The following ATP8A2 variants were observed in gnomAD, a reference collection of about 807,000 sequenced individuals.
ATP8A2 encodes phospholipid-transporting ATPase IB.
In ATP8A2, 100 loss-of-function variants were observed where a neutral mutation model predicts 165.6. That is an observed-to-expected ratio of 0.60 (90% CI 0.51 to 0.71). ATP8A2 has a LOEUF of 0.71. Among genes scored for constraint, ATP8A2 ranks in the 30% least tolerant of loss-of-function variants. The probability of loss-of-function intolerance (pLI) is 0.00; values close to 1 mark genes in which losing one functional copy is unlikely to be tolerated. For missense variants in ATP8A2, 1,227 were observed against 1,479.5 expected, an observed-to-expected ratio of 0.83 and a Z score of 2.80; for synonymous variants, 543 against 548.8, an observed-to-expected ratio of 0.99 and a Z score of 0.15.
In ATP8A2 at chr13:25,968,689, TC is replaced by T. The variant is rs1955843034; in HGVS notation, c.3377+12del. The T allele has an allele frequency of 1.3e-6, 2 of 1,599,510 alleles. No homozygotes were observed. The highest frequency in any genetic ancestry group is 2.2e-5 in the South Asian group (2 of 89,398). On this transcript the variant is annotated intron_variant, in intron 35 of 36. Coordinates refer to ENST00000381655, the MANE Select transcript of ATP8A2 (RefSeq NM_016529.6). ...ATAGCAATGGAAAGAGGTGGGGAAC[TC>T]CGTCCCAGTCCGCACAGAACACAGG... is the stretch of plus-strand genomic sequence containing the variant.
chr13:25,902,589 AAG>A (rs1953789688), intron 33 of ATP8A2, among the ~76,000 whole-genome samples: 7 of 151,818 alleles, frequency 4.6e-5, no homozygotes, highest in African/African-American at 1.7e-4. Context: ...AAAAACAAAA[AAG>A]AATTCCCCAA....
intron 27 of ATP8A2, among the ~76,000 whole-genome samples, chr13:25,800,541 A>G (rs1315013205): frequency 6.6e-6 from 1 of 152,154 alleles, no homozygotes. Flanking sequence ...TTTGACTTTA[A>G]AGGAGTAGTG....
At chr13:25,568,500 C>T (rs545542468) in intron 16 of ATP8A2, among the ~76,000 whole-genome samples, 1 of 152,184 alleles carries the variant, frequency 6.6e-6, no homozygotes, top group African/African-American at 2.4e-5. Context: ...ATATTATAAG[C>T]TGTTAACTGA....
chr13:25,483,321 C>T (rs1175917131), intron 2 of ATP8A2, among the ~76,000 whole-genome samples: 1 of 152,130 alleles, frequency 6.6e-6, no homozygotes, highest in Non-Finnish European at 1.5e-5. Flanking sequence ...CTATTTTGAA[C>T]TGTGGAATGG....
intron 1 of ATP8A2, among the ~76,000 whole-genome samples, chr13:25,420,861 C>T (rs867875998): frequency 6.6e-6 from 1 of 152,204 alleles, no homozygotes; most frequent in Non-Finnish European, 1.5e-5. Context: ...TCTTAGTAAG[C>T]TCAAGCATTA....
chr13:25,675,036 G>A (rs2042344742), intron 24 of ATP8A2, among the ~76,000 whole-genome samples: 1 of 152,180 alleles, frequency 6.6e-6, no homozygotes. Context: ...GGAACCAAAT[G>A]CGAGTCATCC....
At chr13:25,701,446 C>G (rs2042949223) in intron 25 of ATP8A2, among the ~76,000 whole-genome samples, 1 of 152,150 alleles carries the variant, frequency 6.6e-6, no homozygotes, top group African/African-American at 2.4e-5. Flanking sequence ...GAGGTTGTTA[C>G]TGCTCTACCT....
chr13:25,410,353 TC>T (rs1264091523), intron 1 of ATP8A2, among the ~76,000 whole-genome samples: 1 of 152,194 alleles, frequency 6.6e-6, no homozygotes. Flanking sequence ...TAACATTTCC[TC>T]AAAGCCCCAG....
At chr13:25,421,011 T>G (rs1018345250) in intron 1 of ATP8A2, among the ~76,000 whole-genome samples, 2 of 152,258 alleles carry the variant, frequency 1.3e-5, no homozygotes, top group African/African-American at 2.4e-5. Context: ...TTCTAAAGCT[T>G]TGATTGAGGT....
intron 29 of ATP8A2, among the ~76,000 whole-genome samples, chr13:25,838,258 A>C (rs1326689444): frequency 1.3e-5 from 2 of 152,178 alleles, no homozygotes; most frequent in African/African-American, 2.4e-5. Context: ...CTTCTGAGCC[A>C]GATGTTCCTG....
At chr13:25,848,159 G>A (rs1951915316) in intron 30 of ATP8A2, among the ~76,000 whole-genome samples, 2 of 152,336 alleles carry the variant, frequency 1.3e-5, no homozygotes, top group Middle Eastern at 3.4e-3. Flanking sequence ...CCTGCTTCTA[G>A]CATCTGTGAG....
intron 25 of ATP8A2, among the ~76,000 whole-genome samples, chr13:25,727,924 C>G (rs1257839549): frequency 6.6e-6 from 1 of 152,126 alleles, no homozygotes; most frequent in Non-Finnish European, 1.5e-5. Flanking sequence ...AGTCCAAGCC[C>G]TGTGCTCTGG....
intron 24 of ATP8A2, 61 bp downstream of exon 24, chr13:25,589,760 A>G: frequency 2.9e-6 from 3 of 1,020,840 alleles, no homozygotes; most frequent in Admixed American, 2.0e-5. Flanking sequence ...CTTTCTTTCT[A>G]CTATCATTGA....
chr13:25,693,657 C>T (rs1024215862), intron 24 of ATP8A2, among the ~76,000 whole-genome samples: 1 of 140,544 alleles, frequency 7.1e-6, no homozygotes, highest in Non-Finnish European at 1.6e-5. Context: ...GAGAGACATC[C>T]CTCAGATCTC....
chr13:25,747,430 G>A (rs557148314), intron 25 of ATP8A2, among the ~76,000 whole-genome samples: 2 of 152,262 alleles, frequency 1.3e-5, no homozygotes, highest in East Asian at 3.9e-4. Context: ...GCTTCAATTC[G>A]AACTGTTTGG....
chr13:25,461,658 C>A (rs1185621291), intron 1 of ATP8A2, among the ~76,000 whole-genome samples: 1 of 152,118 alleles, frequency 6.6e-6, no homozygotes, highest in East Asian at 1.9e-4. Flanking sequence ...GTTTGAATAC[C>A]TATGTTTACC....
intron 2 of ATP8A2, among the ~76,000 whole-genome samples, chr13:25,509,812 T>G (rs895455953): frequency 1.8e-4 from 28 of 152,164 alleles, no homozygotes; most frequent in Admixed American, 1.6e-3. Context: ...ACCAGTACAT[T>G]GTGTTTTTAT....
chr13:25,398,882 A>AAGGG (rs1443029504), intron 1 of ATP8A2, among the ~76,000 whole-genome samples: 1 of 149,134 alleles, frequency 6.7e-6, no homozygotes, highest in East Asian at 2.0e-4. Flanking sequence ...CTGCCGTAAA[A>AAGGG]TGTTCATCCA....
At chr13:25,961,486 T>C in intron 33 of ATP8A2, 89 bp from the exon 34 acceptor site, 1 of 1,111,388 alleles carries the variant, frequency 9.0e-7, no homozygotes, top group South Asian at 1.3e-5. Flanking sequence ...GTTGTTTTTG[T>C]GTTGTGAAAT....
Sources: allele counts gnomAD v4.1 joint callset (sites outside exome capture counted in the v4.1 genomes callset), GRCh38; gene constraint gnomAD v4.1.1; transcripts MANE v1.5; gene names NCBI Gene and HGNC (gene_info 2026-07-23, HGNC 2026-07-21).